Variants in ZRANB3 observed in about 807,000 individuals in gnomAD.
ZRANB3 encodes the protein DNA annealing helicase and endonuclease ZRANB3.
In ZRANB3, 125 loss-of-function variants were observed where a neutral mutation model predicts 133.8. The observed-to-expected ratio is 0.93, with a 90% confidence interval of 0.81 to 1.08. The LOEUF is 1.08. ZRANB3 is among the 50% of genes least tolerant of loss of function. The pLI, the probability that ZRANB3 is intolerant of heterozygous loss-of-function variation, is 0.00. For synonymous variants in ZRANB3, 387 were observed against 432.7 expected, an observed-to-expected ratio of 0.89 and a Z score of 1.31; for missense variants, 1,229 against 1,275.5, an observed-to-expected ratio of 0.96 and a Z score of 0.56.
chr2:135,199,068 G>A lies in ZRANB3; in HGVS notation c.*1274C>T, dbSNP rs1693513114. 6.6e-6 allele frequency: 1 copy of A among 151,802 alleles called. No individual in the cohort carries two copies. The highest frequency in any genetic ancestry group is 6.6e-5 in the Admixed American group (1 of 15,256). 9.4% of individuals were successfully genotyped at this position (151,802 alleles called of 1,614,324 possible). A position where few individuals can be genotyped will look rare whatever the true frequency, so the allele number is the denominator to read the frequency against. ...TGACATATTGCAGGACTAGGCCCTG[G>A]GTTTGTTTCATCGTCACTCTTATTT... On this transcript the variant is annotated 3_prime_UTR_variant, in exon 21 of 21. Transcript: ENST00000264159.
intron 2 of ZRANB3, among the ~76,000 whole-genome samples, chr2:135,483,813 C>G (rs1048255529): frequency 1.3e-5 from 2 of 152,116 alleles, no homozygotes; most frequent in Non-Finnish European, 2.9e-5. Context: ...TGTGTTGTGT[C>G]TTTGTTGTCG....
intron 5 of ZRANB3, among the ~76,000 whole-genome samples, chr2:135,346,473 T>C (rs1045535823): frequency 2.0e-5 from 3 of 152,154 alleles, no homozygotes; most frequent in African/African-American, 7.2e-5. Context: ...TATGAATATA[T>C]AGGTATAGTA....
In ZRANB3 at chr2:135,526,313, GCCA is replaced by G. The variant is rs554860535; in HGVS notation, c.-8+4811_-8+4813del. On this transcript the variant is annotated intron_variant, in intron 1 of 20. Coordinates refer to ENST00000264159, the MANE Select transcript of ZRANB3 (RefSeq NM_032143.4). ...CGAGTAGCTGGGATTACAGGTGCCC[GCCA>G]CCACACTCAGCTAATTTTTGTATTT... is the stretch of plus-strand genomic sequence containing the variant. Among the ~76,000 whole-genome samples the G allele has an allele frequency of 2.4e-4, 37 of 152,018 alleles. No individual in the cohort carries two copies. The South Asian group carries it at 5.4e-3, about 22-fold the overall frequency.
At chr2:135,271,411 CAAGT>C in intron 10 of ZRANB3, 1 of 475,580 alleles carries the variant, frequency 2.1e-6, no homozygotes, top group Non-Finnish European at 4.3e-6. Context: ...GCAACACAAT[CAAGT>C]AAGTGAAGGG....
intron 3 of ZRANB3, among the ~76,000 whole-genome samples, chr2:135,371,237 A>T (rs1291187478): frequency 6.6e-6 from 1 of 152,210 alleles, no homozygotes; most frequent in Non-Finnish European, 1.5e-5. Flanking sequence ...AACAACTGCT[A>T]GTCATAAAGA....
Position 135,315,364 on chromosome 2 carries a change from C to T in ZRANB3, c.844G>A (p.Ala282Thr). Residue 282 changes from alanine to threonine, a missense_variant, in exon 7 of 21, where the codon GCC becomes ACC. Coordinates refer to ENST00000264159, the MANE Select transcript of ZRANB3 (RefSeq NM_032143.4). The part of the protein sequence containing the change: ...RIPFDLPSAA[A>T]KELNTSFEEW... The stretch of plus-strand genomic sequence containing the variant: ...AATCAAGCAACGGTTCTCACCTTGG[C>T]AGCTGCTGATGGAAGATCAAATGGA... 4 of 1,559,314 alleles carry T rather than the reference C, an allele frequency of 2.6e-6. No individual in the cohort carries two copies. The highest frequency in any genetic ancestry group is 3.5e-6 in the Non-Finnish European group (4 of 1,158,854).
chr2:135,505,571 C>T (rs1693140467), intron 1 of ZRANB3, among the ~76,000 whole-genome samples: 1 of 149,948 alleles, frequency 6.7e-6, no homozygotes, highest in Admixed American at 6.6e-5. Flanking sequence ...GAGACTCTGT[C>T]TCAAGGAAAA....
chr2:135,481,025 T>C (rs1691773105), intron 2 of ZRANB3, among the ~76,000 whole-genome samples: 1 of 152,026 alleles, frequency 6.6e-6, no homozygotes, highest in Non-Finnish European at 1.5e-5. Flanking sequence ...TGTTGGACAT[T>C]TAGGTTGGTT....
intron 2 of ZRANB3, among the ~76,000 whole-genome samples, chr2:135,417,609 G>A (rs904075254): frequency 2.6e-5 from 4 of 152,152 alleles, no homozygotes; most frequent in African/African-American, 9.7e-5. Context: ...TCCCATTACT[G>A]GGCATATACC....
chr2:135,204,145 G>C (rs147026029), intron 19 of ZRANB3, among the ~76,000 whole-genome samples: 49 of 152,290 alleles, frequency 3.2e-4, no homozygotes, highest in South Asian at 6.2e-4. Flanking sequence ...AGTCACAAGA[G>C]GCAACAAGTT....
chr2:135,286,003 T>C (rs1055163554), intron 8 of ZRANB3, among the ~76,000 whole-genome samples: 7 of 152,260 alleles, frequency 4.6e-5, no homozygotes, highest in South Asian at 4.1e-4. Context: ...ACTGGTAACA[T>C]TGATTATTTT....
chr2:135,436,535 A>T (rs934072183), intron 2 of ZRANB3, among the ~76,000 whole-genome samples: 1 of 152,208 alleles, frequency 6.6e-6, no homozygotes, highest in Non-Finnish European at 1.5e-5. Context: ...AGAATAAAAT[A>T]CCTAGGAATC....
chr2:135,424,385 G>T (rs1221651362), intron 2 of ZRANB3, among the ~76,000 whole-genome samples: 2 of 151,906 alleles, frequency 1.3e-5, no homozygotes, highest in Admixed American at 6.6e-5. Flanking sequence ...TAGAAAGAAA[G>T]AAAACAAAAT....
At chr2:135,422,947 C>T (rs1018263971) in intron 2 of ZRANB3, among the ~76,000 whole-genome samples, 1 of 152,116 alleles carries the variant, frequency 6.6e-6, no homozygotes, top group African/African-American at 2.4e-5. Flanking sequence ...GTTCTGGAGG[C>T]TAGAAATCTA....
chr2:135,452,517 G>C (rs565987264), intron 2 of ZRANB3, among the ~76,000 whole-genome samples: 15 of 152,264 alleles, frequency 9.9e-5, no homozygotes, highest in African/African-American at 3.6e-4. Flanking sequence ...CTATGAACCT[G>C]TAAAATCCAA....
chr2:135,370,414 G>A (rs773225181), intron 3 of ZRANB3, among the ~76,000 whole-genome samples: 1 of 152,068 alleles, frequency 6.6e-6, no homozygotes, highest in Non-Finnish European at 1.5e-5. Context: ...AGTTATGAGT[G>A]AGAACATATG....
At chr2:135,328,891 C>T (rs1053240466) in intron 6 of ZRANB3, among the ~76,000 whole-genome samples, 60 of 152,126 alleles carry the variant, frequency 3.9e-4, no homozygotes, top group South Asian at 2.1e-4. Flanking sequence ...ATATCCTTTG[C>T]CCACTTTTGG....
At chr2:135,390,311 G>A (rs918101406) in intron 3 of ZRANB3, among the ~76,000 whole-genome samples, 7 of 152,140 alleles carry the variant, frequency 4.6e-5, no homozygotes, top group Non-Finnish European at 1.0e-4. Context: ...CATGTAACAA[G>A]AGCCTCCATT....
chr2:135,403,175 G>A (rs572686997), intron 2 of ZRANB3, among the ~76,000 whole-genome samples: 103 of 152,312 alleles, frequency 6.8e-4, no homozygotes, highest in Non-Finnish European at 4.4e-4. Flanking sequence ...CACGGGAACC[G>A]CAAGGAGTCA....
Sources: gnomAD v4.1 joint callset for allele counts (sites outside exome capture counted in the v4.1 genomes callset) on GRCh38, gnomAD v4.1.1 for gene constraint, MANE v1.5 for transcripts, NCBI Gene and HGNC (gene_info 2026-07-23, HGNC 2026-07-21) for gene names.